The following DGKI variants were observed in gnomAD, a reference collection of about 807,000 sequenced individuals.
The protein encoded by DGKI is diacylglycerol kinase iota, also known as DAG kinase iota.
DGKI carries 55 observed loss-of-function variants against 147.5 expected under a neutral mutation model. The ratio of observed to expected loss-of-function variants is 0.37; its 90% confidence interval spans 0.30 to 0.47. DGKI has a LOEUF of 0.47. Ranked by LOEUF, DGKI falls within the 20% of genes least tolerant of loss-of-function variation. The pLI is 1.00. For synonymous variants in DGKI, 469 were observed against 477.1 expected (o/e 0.98, Z 0.22); for missense variants, 1,007 against 1,323.8 (o/e 0.76, Z 3.71).
chr7:137,697,576 C>T (rs1462135300), intron 1 of DGKI, among the ~76,000 whole-genome samples: 1 of 152,204 alleles, frequency 6.6e-6, no homozygotes, highest in African/African-American at 2.4e-5. Context: ...GCATTAACTT[C>T]TCTTTCGGTC....
At position 137,523,691 on chromosome 7, in the gene DGKI, C is replaced by T. The variant is rs1014250868; in HGVS notation, c.2148-1725G>A. Among the ~76,000 whole-genome samples, 4 of 152,172 alleles carry T rather than the reference C, an allele frequency of 2.6e-5. No homozygotes were observed. The East Asian group carries it at 7.7e-4, about 29-fold the overall frequency. On this transcript the variant is annotated intron_variant, in intron 20 of 32. Transcript: ENST00000614521. ...TTTGTTGGGTATTTACTTTGTATTA[C>T]CATAGTGCTGGACATCAAAAAGGTA...
At chr7:137,638,607 T>G in intron 6 of DGKI, among the ~76,000 whole-genome samples, 1 of 2,916 alleles carries the variant, frequency 3.4e-4, no homozygotes, top group Non-Finnish European at 5.3e-4. Context: ...TATATGTATA[T>G]ATATACACAC....
chr7:137,507,706 G>A lies in DGKI; in HGVS notation c.2248+14160C>T, dbSNP rs543136430. ...ACTCTAGTGTCAGCAGTTGGTCACA[G>A]AAGGCTGAGTAAGACATGGTACCTG... On this transcript the variant is annotated intron_variant, in intron 21 of 32. Coordinates refer to ENST00000614521, the MANE Select transcript of DGKI (RefSeq NM_001321708.2). Among the ~76,000 whole-genome samples the A allele has an allele frequency of 2.0e-5, 3 of 152,302 alleles. No homozygotes were observed. In the East Asian group the frequency reaches 5.8e-4, roughly 29 times the overall value.
intron 28 of DGKI, among the ~76,000 whole-genome samples, chr7:137,422,595 C>CTTTTTTT (rs60494368): frequency 0.01 from 634 of 62,012 alleles, 65 homozygotes; most frequent in Middle Eastern, 0.04. Context: ...TTTTTCTTTT[C>CTTTTTTT]TTTTTTTTTT....
At chr7:137,606,558 G>A (rs939445932) in intron 10 of DGKI, among the ~76,000 whole-genome samples, 2 of 152,264 alleles carry the variant, frequency 1.3e-5, no homozygotes, top group Non-Finnish European at 2.9e-5. Flanking sequence ...GGCCCACCCC[G>A]ACTTACTGAA....
chr7:137,564,029 C>T (rs150589742), intron 19 of DGKI, among the ~76,000 whole-genome samples: 113 of 152,194 alleles, frequency 7.4e-4, no homozygotes, highest in African/African-American at 2.6e-3. Flanking sequence ...GGTTACCATA[C>T]AGCTAATTAA....
chr7:137,723,368 T>G (rs1473462253), intron 1 of DGKI, among the ~76,000 whole-genome samples: 3 of 152,220 alleles, frequency 2.0e-5, no homozygotes, highest in Non-Finnish European at 2.9e-5. Flanking sequence ...TTGTGAGAAC[T>G]GGGCAGACTC....
intron 1 of DGKI, among the ~76,000 whole-genome samples, chr7:137,724,999 G>A (rs1431821025): frequency 1.3e-5 from 2 of 152,162 alleles, no homozygotes; most frequent in Admixed American, 1.3e-4. Context: ...AGCCAGTGAT[G>A]GAGGAGGAAA....
chr7:137,469,410 C>T (rs957021897), intron 24 of DGKI, 140 bp downstream of exon 24: 2 of 757,676 alleles, frequency 2.6e-6, no homozygotes, highest in Non-Finnish European at 4.4e-6. Flanking sequence ...CATTGTTCCG[C>T]ATGCCAATAC....
intron 10 of DGKI, among the ~76,000 whole-genome samples, chr7:137,604,588 G>A (rs1820106125): frequency 6.6e-6 from 1 of 152,226 alleles, no homozygotes; most frequent in East Asian, 1.9e-4. Flanking sequence ...CCTGGGACCT[G>A]TAATCCAAGG....
intron 1 of DGKI, among the ~76,000 whole-genome samples, chr7:137,824,447 T>C (rs749049950): frequency 7.0e-6 from 1 of 142,858 alleles, no homozygotes; most frequent in Admixed American, 7.4e-5. Context: ...ACCTTGGAAA[T>C]AGAGATTGCA....
intron 27 of DGKI, among the ~76,000 whole-genome samples, chr7:137,461,929 C>G (rs1049198647): frequency 6.6e-6 from 1 of 151,946 alleles, no homozygotes; most frequent in Non-Finnish European, 1.5e-5. Flanking sequence ...TTTTAAGAAC[C>G]TGGCTATTAT....
chr7:137,845,932 G>A (rs1798701861), intron 1 of DGKI, among the ~76,000 whole-genome samples: 1 of 152,030 alleles, frequency 6.6e-6, no homozygotes, highest in Non-Finnish European at 1.5e-5. Context: ...ACTTCCATAA[G>A]GATTTCTCTT....
At chr7:137,695,787 A>G (rs572939783) in intron 1 of DGKI, among the ~76,000 whole-genome samples, 11 of 152,362 alleles carry the variant, frequency 7.2e-5, no homozygotes, top group African/African-American at 2.6e-4. Context: ...TCCTGTCTCT[A>G]GAACAAGAAT....
chr7:137,594,222 T>C (rs1043165747), intron 12 of DGKI, among the ~76,000 whole-genome samples: 1 of 152,158 alleles, frequency 6.6e-6, no homozygotes, highest in Non-Finnish European at 1.5e-5. Context: ...AATTTTTATA[T>C]TTTTAATAGA....
At chr7:137,767,508 AAGAG>A (rs1796051507) in intron 1 of DGKI, among the ~76,000 whole-genome samples, 1 of 149,726 alleles carries the variant, frequency 6.7e-6, no homozygotes, top group Non-Finnish European at 1.5e-5. Flanking sequence ...AAGAGAAGAG[AAGAG>A]AAGAGAAGAG....
intron 1 of DGKI, among the ~76,000 whole-genome samples, chr7:137,823,606 A>G (rs545776088): frequency 6.6e-6 from 1 of 152,360 alleles, no homozygotes; most frequent in South Asian, 2.1e-4. Context: ...CAGACAAGGC[A>G]TAAGTCAGAA....
chr7:137,579,638 T>A (rs777745984), intron 15 of DGKI, among the ~76,000 whole-genome samples: 1 of 152,146 alleles, frequency 6.6e-6, no homozygotes, highest in Non-Finnish European at 1.5e-5. Flanking sequence ...CCCACCTGCA[T>A]GAATATTTAC....
intron 1 of DGKI, among the ~76,000 whole-genome samples, chr7:137,757,962 G>C (rs1251550377): frequency 1.3e-5 from 2 of 152,160 alleles, no homozygotes; most frequent in Non-Finnish European, 2.9e-5. Flanking sequence ...TGCACCCTGG[G>C]GAAATCAGTC....
Sources: allele counts gnomAD v4.1 joint callset (sites outside exome capture counted in the v4.1 genomes callset), GRCh38; gene constraint gnomAD v4.1.1; transcripts MANE v1.5; gene names NCBI Gene and HGNC (gene_info 2026-07-23, HGNC 2026-07-21).